RBM23: variants seen among roughly 807,000 people sequenced by gnomAD.
RBM23 encodes RNA binding motif protein 23.
Under a neutral mutation model 56.2 loss-of-function variants are expected in RBM23, and 53 were observed. That is an observed-to-expected ratio of 0.94 (90% confidence interval 0.76 to 1.19). The LOEUF (loss-of-function observed/expected upper bound fraction) is 1.19. Among genes scored for constraint, RBM23 ranks in the 50% most tolerant of loss-of-function variants. The pLI is 0.00. For missense variants in RBM23, 642 were observed against 590.3 expected, an observed-to-expected ratio of 1.09 and a Z score of -0.91; for synonymous variants, 197 against 198.5, an observed-to-expected ratio of 0.99 and a Z score of 0.06.
chr14:22,909,507 C>T lies in RBM23; in HGVS notation c.155G>A (p.Ser52Asn), dbSNP rs1398010109. The T allele has an allele frequency of 6.2e-7, 1 of 1,613,284 alleles. No individual in the cohort carries two copies. The highest frequency in any genetic ancestry group is 1.7e-5 in the Admixed American group (1 of 60,014). The change falls in exon 3 of 14, where the codon AGC becomes AAC. Residue 52 changes from serine to asparagine, a missense_variant. Transcript: ENST00000359890. Reference sequence around the variant, plus strand: ...CTTGCTTGTCTCCCCGATGGTGCTGCTTCCACTGGTCTCATTGCCACTGTT... The same window carrying T: ...CTTGCTTGTCTCCCCGATGGTGCTGTTTCCACTGGTCTCATTGCCACTGTT... ...TSNSGNETSG[S>N]STIGETSKKK...
rs2040275239 is a variant in RBM23, at chr14:22,897,977, A to G, written c.*3753T>C. Reference sequence around the variant, plus strand: ...AACCAACCTTGCATAAATGTTAACAATGACCATTATGCCACCTCCTGTCAC... The same window carrying G: ...AACCAACCTTGCATAAATGTTAACAGTGACCATTATGCCACCTCCTGTCAC... On this transcript the variant is annotated 3_prime_UTR_variant, in exon 14 of 14. Coordinates refer to ENST00000359890, the MANE Select transcript of RBM23 (RefSeq NM_001077351.2). The G allele has an allele frequency of 6.6e-6, 1 of 152,258 alleles. No individual in the cohort carries two copies. The highest frequency in any genetic ancestry group is 6.5e-5 in the Admixed American group (1 of 15,288). 9.4% of individuals were successfully genotyped at this position (152,258 alleles called of 1,614,324 possible). A position where few individuals can be genotyped will look rare whatever the true frequency, so the allele number is the denominator to read the frequency against.
Position 22,897,490 on chromosome 14 carries a change from C to G in RBM23, c.*4240G>C, listed in dbSNP as rs1205546957. ...CCATGCCTCCTAGCAAGATGCTGAG[C>G]CTACAGTAGGTCTGGCCTCAAGCTG... is the stretch of plus-strand genomic sequence containing the variant. On this transcript the variant is annotated 3_prime_UTR_variant, in exon 14 of 14. Transcript: ENST00000359890. The G allele has an allele frequency of 1.3e-5, 2 of 152,088 alleles. No homozygotes were observed. Among genetic ancestry groups the G allele is most frequent in the Non-Finnish European group, 2.9e-5 (2 of 68,022 alleles). The allele number at this position is 152,088 out of a possible 1,614,324, so 9.4% of individuals were successfully genotyped here.
intron 1 of RBM23, among the ~76,000 whole-genome samples, chr14:22,918,007 C>T (rs1212351187): frequency 6.6e-6 from 1 of 152,126 alleles, no homozygotes; most frequent in African/African-American, 2.4e-5. Context: ...GGCACAAACA[C>T]CTACAAACTG....
intron 4 of RBM23, among the ~76,000 whole-genome samples, chr14:22,907,003 A>C (rs1236392880): frequency 6.6e-6 from 1 of 152,188 alleles, no homozygotes; most frequent in African/African-American, 2.4e-5. Context: ...GTGAAACCCC[A>C]TCTCTACCAG....
chr14:22,900,413 C>A lies in RBM23; in HGVS notation c.*1317G>T, dbSNP rs2040351588. The A allele has an allele frequency of 7.4e-6, 1 of 135,604 alleles. No individual in the cohort carries two copies. The highest frequency in any genetic ancestry group is 2.8e-5 in the African/African-American group (1 of 36,212). 8.4% of individuals were successfully genotyped at this position (135,604 alleles called of 1,614,324 possible). A position where few individuals can be genotyped will look rare whatever the true frequency, so the allele number is the denominator to read the frequency against. On this transcript the variant is annotated 3_prime_UTR_variant, in exon 14 of 14. Transcript: ENST00000359890. ...TCATAGTGCCATCTGCTGGAAAGAT[C>A]TGTCATTAGGCACAGAGAAGGAGCC...
intron 4 of RBM23, among the ~76,000 whole-genome samples, chr14:22,907,145 T>A (rs1295533689): frequency 6.8e-6 from 1 of 146,060 alleles, no homozygotes; most frequent in Non-Finnish European, 1.5e-5. Flanking sequence ...CTGCACTCCA[T>A]CCTGGGCAAC....
At position 22,900,213 on chromosome 14, in the gene RBM23, C is replaced by T. The variant is rs2040332367; in HGVS notation, c.*1517G>A. The T allele has an allele frequency of 6.6e-6, 1 of 152,124 alleles. No individual in the cohort carries two copies. Among genetic ancestry groups the T allele is most frequent in the Non-Finnish European group, 1.5e-5 (1 of 68,050 alleles). 9.4% of individuals were successfully genotyped at this position (152,124 alleles called of 1,614,324 possible). ...ACCCTGCTGTTATACAAGACCCAAACCCCTTTGGATATTGGATTGGGATCG... is the reference window on the plus strand; with the variant it reads ...ACCCTGCTGTTATACAAGACCCAAATCCCTTTGGATATTGGATTGGGATCG... On this transcript the variant is annotated 3_prime_UTR_variant, in exon 14 of 14. Coordinates refer to ENST00000359890, the MANE Select transcript of RBM23 (RefSeq NM_001077351.2).
intron 3 of RBM23, among the ~76,000 whole-genome samples, 158 bp downstream of exon 3, chr14:22,909,325 T>C (rs1383244210): frequency 6.6e-6 from 1 of 152,190 alleles, no homozygotes. Context: ...GACTAGATAA[T>C]TAAATCAAGT....
rs906586764 is a variant in RBM23, at chr14:22,901,538, G to A, written c.*192C>T. 2 of 755,800 alleles carry A rather than the reference G, an allele frequency of 2.6e-6. No individual in the cohort carries two copies. Among genetic ancestry groups the A allele is most frequent in the African/African-American group, 1.8e-5 (1 of 56,730 alleles). 46.8% of individuals were successfully genotyped at this position (755,800 alleles called of 1,614,324 possible). On this transcript the variant is annotated 3_prime_UTR_variant, in exon 14 of 14. Coordinates refer to ENST00000359890, the MANE Select transcript of RBM23 (RefSeq NM_001077351.2). ...CTTCAACTGGTGGCTTTGCTCAGCA[G>A]AGTCCATTTCCAGTGGGACCATGGG...
Position 22,905,446 on chromosome 14 carries a change from C to T in RBM23, c.463G>A (p.Val155Ile), listed in dbSNP as rs2138960453. The change falls in exon 7 of 14, where the codon GTT becomes ATT. Residue 155 changes from valine (V) to isoleucine (I), a missense_variant. Physicochemically the swap from Val to Ile is conservative, Grantham distance 29. Coordinates refer to ENST00000359890, the MANE Select transcript of RBM23 (RefSeq NM_001077351.2). ...FREKSPVREP[V>I]DNLSPEERDA... ...CGCTCCTCAGGACTCAGATTATCAA[C>T]TGGCTCCCTGAAGAGTGAAATGTGT... 6.2e-7 allele frequency: 1 copy of T among 1,614,236 alleles called. No individual in the cohort carries two copies. The highest frequency in any genetic ancestry group is 8.5e-7 in the Non-Finnish European group (1 of 1,180,032).
chr14:22,902,375 T>A lies in RBM23; in HGVS notation c.938A>T (p.Asp313Val). The A allele has an allele frequency of 6.2e-7, 1 of 1,611,086 alleles. No homozygotes were observed. The highest frequency in any genetic ancestry group is 8.5e-7 in the Non-Finnish European group (1 of 1,177,494). The change falls in exon 11 of 14, where the codon GAT becomes GTT. Residue 313 changes from aspartate to valine, a missense_variant. Coordinates refer to ENST00000359890, the MANE Select transcript of RBM23 (RefSeq NM_001077351.2). Reference protein sequence around the residue: ...SKGYGFITFSDSECARRALEQ... With the variant: ...SKGYGFITFSVSECARRALEQ... ...CAGGGCCCGCCGGGCACACTCAGAA[T>A]CAGAGAACTATGAGAAACCCAGGCC...
chr14:22,907,901 A>C (rs1308090676), intron 4 of RBM23, among the ~76,000 whole-genome samples: 1 of 152,254 alleles, frequency 6.6e-6, no homozygotes, highest in Non-Finnish European at 1.5e-5. Flanking sequence ...ATAATGTTTA[A>C]AAAGTAAAAG....
rs943871732 is a variant in RBM23 at position 22,897,047 on chromosome 14, T to G, written c.*4683A>C. 5 of 151,982 alleles carry G rather than the reference T, an allele frequency of 3.3e-5. No homozygotes were observed. Among genetic ancestry groups the G allele is most frequent in the African/African-American group, 1.2e-4 (5 of 41,360 alleles). 9.4% of individuals were successfully genotyped at this position (151,982 alleles called of 1,614,324 possible). A position where few individuals can be genotyped will look rare whatever the true frequency, so the allele number is the denominator to read the frequency against. ...GCTACCATGGTAACATCAGAAAGAG[T>G]AAAGCTGCATCTTCTCTCCTGGTGG... On this transcript the variant is annotated 3_prime_UTR_variant, in exon 14 of 14. Coordinates refer to ENST00000359890, the MANE Select transcript of RBM23 (RefSeq NM_001077351.2).
chr14:22,905,758 T>TA (rs2041427046), intron 5 of RBM23, 99 bp from the exon 6 acceptor site: 2 of 961,558 alleles, frequency 2.1e-6, no homozygotes, highest in Non-Finnish European at 3.2e-6. Flanking sequence ...CTTCATCTCA[T>TA]TGTTTTTTTA....
rs2042252985 is a variant in RBM23, at chr14:22,910,297, TA to T, written c.67-703del. The stretch of plus-strand genomic sequence containing the variant: ...ACCAACATGGAGAAACCATCTCCAC[TA>T]AAAAGACAAAATTAGCCAGGGGTGG... On this transcript the variant is annotated intron_variant, in intron 2 of 13. Transcript: ENST00000359890. Among the ~76,000 whole-genome samples the T allele has an allele frequency of 2.2e-5, 3 of 138,040 alleles. No individual in the cohort carries two copies. In the South Asian group the frequency reaches 7.1e-4, roughly 33 times the overall value. 90.6% of individuals were successfully genotyped at this position (138,040 alleles called of 152,430 possible). A position where few individuals can be genotyped will look rare whatever the true frequency, so the allele number is the denominator to read the frequency against.
At chr14:22,905,753 T>C (rs1594273322) in intron 5 of RBM23, 94 bp from the exon 6 acceptor site, 1 of 981,152 alleles carries the variant, frequency 1.0e-6, no homozygotes, top group Non-Finnish European at 1.6e-6. Context: ...CAGTACTTCA[T>C]CTCATTGTTT....
At chr14:22,901,773 G>C (rs372064766) in intron 13 of RBM23, 40 bp from the exon 14 acceptor site, 286 of 1,613,966 alleles carry the variant, frequency 1.8e-4, no homozygotes, top group Middle Eastern at 1.3e-3. Context: ...AAAGGAAAGA[G>C]AATAATCAAA....
At chr14:22,916,970 G>C (rs1224311273) in intron 1 of RBM23, 1 of 152,070 alleles carries the variant, frequency 6.6e-6, no homozygotes, top group Non-Finnish European at 1.5e-5. Flanking sequence ...CCAGGTTCAA[G>C]CAATTCTCCT....
chr14:22,894,180 AG>A lies in RBM23; in HGVS notation c.*7549del, dbSNP rs2040210331. On this transcript the variant is annotated 3_prime_UTR_variant, in exon 14 of 14. Coordinates refer to ENST00000359890, the MANE Select transcript of RBM23 (RefSeq NM_001077351.2). ...TCCTGGCCCTTTATTTAGGCATCAA[AG>A]CAGCTTGCTAAACTCTCAAAGCACA... 6.6e-6 allele frequency: 1 copy of A among 152,248 alleles called. No individual in the cohort carries two copies. Among genetic ancestry groups the A allele is most frequent in the Non-Finnish European group, 1.5e-5 (1 of 68,046 alleles). 9.4% of individuals were successfully genotyped at this position (152,248 alleles called of 1,614,324 possible).
Sources: allele counts gnomAD v4.1 joint callset (sites outside exome capture counted in the v4.1 genomes callset), GRCh38; gene constraint gnomAD v4.1.1; transcripts MANE v1.5; gene names NCBI Gene and HGNC (gene_info 2026-07-23, HGNC 2026-07-21).